DGKB: variants seen among roughly 807,000 people sequenced by gnomAD.
The protein encoded by DGKB is diacylglycerol kinase beta, also known as 90 kDa diacylglycerol kinase.
Under a neutral mutation model 114.3 loss-of-function variants are expected in DGKB, and 67 were observed. That is an observed-to-expected ratio of 0.59 (90% CI 0.48 to 0.72). The LOEUF is 0.72. DGKB is among the 30% of genes least tolerant of loss of function. The pLI, the probability that DGKB is intolerant of heterozygous loss-of-function variation, is 0.00. For missense variants in DGKB, 907 were observed against 975.2 expected (o/e 0.93, Z 0.93); for synonymous variants, 398 against 323.1 (o/e 1.23, Z -2.49).
chr7:14,349,134 A>G (rs962859805), intron 21 of DGKB, among the ~76,000 whole-genome samples: 1 of 152,114 alleles, frequency 6.6e-6, no homozygotes, highest in Non-Finnish European at 1.5e-5. Flanking sequence ...CATATAAAAT[A>G]TAATTGAAGG....
chr7:14,775,173 A>C (rs1837969307), intron 2 of DGKB, among the ~76,000 whole-genome samples: 1 of 151,798 alleles, frequency 6.6e-6, no homozygotes, highest in Admixed American at 6.6e-5. Flanking sequence ...GGCATTTTGA[A>C]GCTACTTTTT....
chr7:14,582,476 C>G (rs1800082219), intron 18 of DGKB, among the ~76,000 whole-genome samples: 1 of 152,180 alleles, frequency 6.6e-6, no homozygotes, highest in East Asian at 1.9e-4. Context: ...TCTCTCAGTT[C>G]ACAGCTATAA....
rs548822544 is a variant in DGKB, at chr7:14,683,842, C to A, written c.830-1001G>T. Among the ~76,000 whole-genome samples the A allele has an allele frequency of 8.4e-4, 128 of 151,926 alleles. 1 individual carries two copies. Among genetic ancestry groups the A allele is most frequent in the Non-Finnish European group, 1.6e-3 (106 of 67,950 alleles). ...GAGAAAACATGTTTTCTCTTCTCCT[C>A]CGTATTAAAAATAATATTGAATATT... On this transcript the variant is annotated intron_variant, in intron 10 of 25. Transcript: ENST00000402815.
intron 23 of DGKB, among the ~76,000 whole-genome samples, chr7:14,265,057 ACTT>A (rs1424037638): frequency 6.6e-6 from 1 of 151,620 alleles, no homozygotes; most frequent in African/African-American, 2.4e-5. Context: ...AGCTGGAGGG[ACTT>A]CTTTTTTCAG....
chr7:14,676,282 A>G (rs576169030), intron 12 of DGKB, among the ~76,000 whole-genome samples: 18 of 152,234 alleles, frequency 1.2e-4, no homozygotes, highest in African/African-American at 4.1e-4. Flanking sequence ...TTGGATATAA[A>G]TGCCTTTCTG....
chr7:14,966,039 A>T (rs1040264841), intron 1 of DGKB, among the ~76,000 whole-genome samples: 7 of 152,212 alleles, frequency 4.6e-5, no homozygotes, highest in African/African-American at 1.7e-4. Context: ...ATTCTAAAAC[A>T]ATTTCAAAAT....
intron 15 of DGKB, among the ~76,000 whole-genome samples, chr7:14,618,964 T>C (rs1807085146): frequency 6.6e-6 from 1 of 151,554 alleles, no homozygotes; most frequent in African/African-American, 2.4e-5. Context: ...AACATTTTGG[T>C]ATTTTAAAAT....
chr7:14,201,402 C>T (rs1360088806), intron 23 of DGKB, among the ~76,000 whole-genome samples: 2 of 151,908 alleles, frequency 1.3e-5, no homozygotes, highest in African/African-American at 2.4e-5. Context: ...TAAGAAACAG[C>T]AGGGTGATCA....
intron 4 of DGKB, among the ~76,000 whole-genome samples, chr7:14,746,656 G>A (rs1159369937): frequency 2.0e-5 from 3 of 152,030 alleles, no homozygotes; most frequent in African/African-American, 4.8e-5. Context: ...TCACAACCAC[G>A]CCCAGCTAAT....
intron 21 of DGKB, among the ~76,000 whole-genome samples, chr7:14,414,360 C>T (rs1825374949): frequency 6.6e-6 from 1 of 152,028 alleles, no homozygotes; most frequent in African/African-American, 2.4e-5. Flanking sequence ...TGAAAAGACT[C>T]CTGTGATAGT....
intron 2 of DGKB, among the ~76,000 whole-genome samples, chr7:14,786,139 T>TACAC (rs367551082): frequency 0.029 from 4,239 of 148,528 alleles, 124 homozygotes; most frequent in African/African-American, 0.078. Context: ...CAGGAACATG[T>TACAC]ACACACACAC....
chr7:14,770,817 T>A (rs1372017120), intron 2 of DGKB, among the ~76,000 whole-genome samples: 2 of 152,102 alleles, frequency 1.3e-5, no homozygotes, highest in South Asian at 4.1e-4. Flanking sequence ...GACAACTGTT[T>A]TAGCACTGAC....
intron 21 of DGKB, among the ~76,000 whole-genome samples, chr7:14,457,868 G>A (rs866511523): frequency 6.6e-6 from 1 of 152,182 alleles, no homozygotes. Context: ...ACATCTACAT[G>A]AGAAGGACTA....
intron 1 of DGKB, among the ~76,000 whole-genome samples, chr7:14,939,167 C>T (rs912755289): frequency 1.3e-5 from 2 of 152,130 alleles, no homozygotes; most frequent in African/African-American, 4.8e-5. Flanking sequence ...TGCATTAGTA[C>T]TTTGTACATA....
At chr7:14,824,113 T>C (rs6461136) in intron 2 of DGKB, among the ~76,000 whole-genome samples, 135,419 of 152,056 alleles carry the variant, frequency 0.89, 60,661 homozygotes, top group East Asian at 1. Context: ...TATTCACTAT[T>C]ATGGGAAAGA....
At chr7:14,815,934 C>A (rs1331886371) in intron 2 of DGKB, among the ~76,000 whole-genome samples, 3 of 152,138 alleles carry the variant, frequency 2.0e-5, no homozygotes, top group Admixed American at 1.3e-4. Context: ...GAAGAATATG[C>A]AGCTTTTAAA....
At chr7:14,199,664 A>G (rs575338757) in intron 23 of DGKB, among the ~76,000 whole-genome samples, 1 of 152,086 alleles carries the variant, frequency 6.6e-6, no homozygotes. Flanking sequence ...GGATTCAATT[A>G]GTAAGTAGAA....
chr7:14,576,565 G>A (rs1334345384), intron 19 of DGKB, among the ~76,000 whole-genome samples: 1 of 151,992 alleles, frequency 6.6e-6, no homozygotes, highest in Non-Finnish European at 1.5e-5. Flanking sequence ...TATCGTGTGT[G>A]TGTATGTGTA....
intron 13 of DGKB, among the ~76,000 whole-genome samples, chr7:14,663,928 G>A (rs577735507): frequency 6.6e-6 from 1 of 151,974 alleles, no homozygotes; most frequent in South Asian, 2.1e-4. Flanking sequence ...AGTTTTAAGG[G>A]CAATCTCTTG....
Sources: allele counts gnomAD v4.1 joint callset (sites outside exome capture counted in the v4.1 genomes callset), GRCh38; gene constraint gnomAD v4.1.1; transcripts MANE v1.5; gene names NCBI Gene and HGNC (gene_info 2026-07-23, HGNC 2026-07-21).